Variants in ANAPC7 observed in about 807,000 individuals in gnomAD.
The protein encoded by ANAPC7 is anaphase-promoting complex subunit 7.
A neutral mutation model predicts 63.3 loss-of-function variants in ANAPC7; 25 were observed. That is an observed-to-expected ratio of 0.39 (90% CI 0.29 to 0.55). The LOEUF (loss-of-function observed/expected upper bound fraction) is 0.55. ANAPC7 is among the 20% of genes least tolerant of loss of function. The probability of loss-of-function intolerance (pLI) is 0.57; values close to 1 mark genes in which losing one functional copy is unlikely to be tolerated. For missense variants in ANAPC7, 516 were observed against 691.7 expected (o/e 0.75, Z 2.85); for synonymous variants, 241 against 251.7 (o/e 0.96, Z 0.40).
intron 9 of ANAPC7, among the ~76,000 whole-genome samples, chr12:110,376,786 T>C (rs1881325699): frequency 6.7e-6 from 1 of 149,746 alleles, no homozygotes; most frequent in South Asian, 2.1e-4. Context: ...AATCAGTTAG[T>C]TATATTCAGC....
At chr12:110,384,442 T>C (rs1882262855) in intron 6 of ANAPC7, among the ~76,000 whole-genome samples, 3 of 151,646 alleles carry the variant, frequency 2.0e-5, no homozygotes, top group African/African-American at 7.3e-5. Flanking sequence ...CGGTGACTCA[T>C]GCCTATAATC....
intron 9 of ANAPC7, 95 bp downstream of exon 9, chr12:110,377,298 T>C (rs1881377300): frequency 1.9e-6 from 2 of 1,060,854 alleles, no homozygotes; most frequent in Admixed American, 4.1e-5. Flanking sequence ...CACACCTGTC[T>C]AGTCATCTGT....
intron 7 of ANAPC7, among the ~76,000 whole-genome samples, chr12:110,382,497 T>TAGAG (rs1882031640): frequency 2.2e-5 from 3 of 135,310 alleles, no homozygotes; most frequent in African/African-American, 8.4e-5. Flanking sequence ...TATATATATT[T>TAGAG]ATAGAGACAG....
chr12:110,397,788 G>A (rs999721180), intron 1 of ANAPC7, among the ~76,000 whole-genome samples: 14 of 151,898 alleles, frequency 9.2e-5, no homozygotes, highest in African/African-American at 3.1e-4. Context: ...CCACCTACTC[G>A]GGAGGTTGAG....
intron 7 of ANAPC7, among the ~76,000 whole-genome samples, chr12:110,382,457 A>ATATATACATAT (rs1251192302): frequency 5.1e-4 from 33 of 65,230 alleles, no homozygotes; most frequent in African/African-American, 2.1e-3. Flanking sequence ...AAAAAAAAAA[A>ATATATACATAT]AAAAATATAT....
chr12:110,379,316 G>A (rs897821646), intron 8 of ANAPC7, among the ~76,000 whole-genome samples: 1 of 152,188 alleles, frequency 6.6e-6, no homozygotes, highest in African/African-American at 2.4e-5. Context: ...AGCAAAAGAA[G>A]GAAGCTCCAA....
At chr12:110,376,568 C>CAAAAAAA (rs57434475) in intron 9 of ANAPC7, among the ~76,000 whole-genome samples, 26,563 of 61,560 alleles carry the variant, frequency 0.43, 8,094 homozygotes, top group East Asian at 0.6. Context: ...GACTCCATCT[C>CAAAAAAA]AAAAAAAAAA....
chr12:110,385,738 C>A (rs974823874), intron 6 of ANAPC7, among the ~76,000 whole-genome samples: 1 of 152,098 alleles, frequency 6.6e-6, no homozygotes, highest in African/African-American at 2.4e-5. Context: ...TTCTGATGGC[C>A]TTTTTTGGAC....
chr12:110,403,485 C>A (rs2062263230), intron 1 of ANAPC7, 42 bp downstream of exon 1: 1 of 1,544,762 alleles, frequency 6.5e-7, no homozygotes, highest in Non-Finnish European at 8.8e-7. Flanking sequence ...AGACCGCCGC[C>A]GCTTTCTCCT....
intron 1 of ANAPC7, among the ~76,000 whole-genome samples, chr12:110,399,209 C>CG (rs2062187400): frequency 6.6e-6 from 1 of 151,582 alleles, no homozygotes; most frequent in Non-Finnish European, 1.5e-5. Context: ...TTGGTAGAGA[C>CG]GGGGTTTCGC....
chr12:110,403,097 G>C (rs1012529022), intron 1 of ANAPC7, among the ~76,000 whole-genome samples: 3 of 152,084 alleles, frequency 2.0e-5, no homozygotes, highest in African/African-American at 7.2e-5. Context: ...ACACTTAACG[G>C]GGGGACCAAT....
Position 110,395,101 on chromosome 12 carries a change from T to C in ANAPC7, c.408A>G (p.Lys136=). The change falls in exon 3 of 11, where the codon AAA becomes AAG. Residue 136 remains lysine, a splice_region_variant and synonymous_variant. Coordinates refer to ENST00000455511, the MANE Select transcript of ANAPC7 (RefSeq NM_016238.3). ...DGIPSRQRTP[K]INMMLANLYK... ...AAAAACACATAAACATTCAACTTAC[T>C]TTGGGAGTTCTTTGTCTTGAAGGGA... The C allele has an allele frequency of 6.2e-7, 1 of 1,612,056 alleles. No individual in the cohort carries two copies. The highest frequency in any genetic ancestry group is 8.5e-7 in the Non-Finnish European group (1 of 1,179,282).
At chr12:110,386,200 A>T in intron 6 of ANAPC7, 127 bp downstream of exon 6, 1 of 1,360,510 alleles carries the variant, frequency 7.4e-7, no homozygotes, top group Non-Finnish European at 1.0e-6. Context: ...AAAGTAAAAG[A>T]CTAGTATAAG....
chr12:110,400,884 T>TAA (rs57010575), intron 1 of ANAPC7, among the ~76,000 whole-genome samples: 7 of 137,022 alleles, frequency 5.1e-5, no homozygotes, highest in African/African-American at 1.1e-4. Flanking sequence ...CCATCTCTAT[T>TAA]AAAAAAAAAA....
intron 6 of ANAPC7, among the ~76,000 whole-genome samples, chr12:110,385,294 C>T (rs1323483665): frequency 2.0e-5 from 3 of 152,106 alleles, no homozygotes; most frequent in Non-Finnish European, 4.4e-5. Flanking sequence ...ATCACTGCCT[C>T]TCCGCAGCCC....
chr12:110,381,972 A>AAAAC (rs1566263501), intron 7 of ANAPC7, 24 bp from the exon 8 acceptor site: 1 of 1,471,984 alleles, frequency 6.8e-7, no homozygotes, highest in African/African-American at 1.5e-5. Flanking sequence ...AAAAAAAAAA[A>AAAAC]ACACAAAAAC....
At chr12:110,392,655 A>T (rs1255203202) in intron 3 of ANAPC7, among the ~76,000 whole-genome samples, 1 of 152,260 alleles carries the variant, frequency 6.6e-6, no homozygotes, top group East Asian at 1.9e-4. Context: ...TATTTATAAA[A>T]GTAACAGAAA....
chr12:110,377,866 AGCACATGTAAGGAACCT>A lies in ANAPC7; in HGVS notation c.1133-266_1133-250del, dbSNP rs142918860. ...CACCTTCAGTTTAGGGAAGGAAACA[AGCACATGTAAGGAACCT>A]GCAGCATGTGAGCACCCCATCTGAC... On this transcript the variant is annotated intron_variant, in intron 8 of 10. Coordinates refer to ENST00000455511, the MANE Select transcript of ANAPC7 (RefSeq NM_016238.3). The A allele has an allele frequency of 3.8e-3, 5,148 of 1,358,122 alleles. 17 individuals carry two copies. The highest frequency in any genetic ancestry group is 4.6e-3 in the Non-Finnish European group (4,856 of 1,049,026). 84.1% of individuals were successfully genotyped at this position (1,358,122 alleles called of 1,614,324 possible). A position where few individuals can be genotyped will look rare whatever the true frequency, so the allele number is the denominator to read the frequency against.
At chr12:110,392,389 C>G (rs898022512) in intron 3 of ANAPC7, among the ~76,000 whole-genome samples, 4 of 152,102 alleles carry the variant, frequency 2.6e-5, no homozygotes, top group African/African-American at 9.7e-5. Context: ...ATGTTCTCAT[C>G]AAGTTTGGTT....
Sources: allele counts gnomAD v4.1 joint callset (sites outside exome capture counted in the v4.1 genomes callset), GRCh38; gene constraint gnomAD v4.1.1; transcripts MANE v1.5; gene names NCBI Gene and HGNC (gene_info 2026-07-23, HGNC 2026-07-21).